KSR1: variants seen among roughly 807,000 people sequenced by gnomAD.
KSR1 encodes the protein kinase suppressor of ras.
In KSR1, 35 loss-of-function variants were observed where a neutral mutation model predicts 92.9. That is an observed-to-expected ratio of 0.38 (90% CI 0.29 to 0.50). The LOEUF (loss-of-function observed/expected upper bound fraction) is 0.50, where lower values mean the gene tolerates loss of function less well. Ranked by LOEUF, KSR1 falls within the 20% of genes least tolerant of loss-of-function variation. The pLI is 0.94. For missense variants in KSR1, 972 were observed against 1,158.5 expected (o/e 0.84, Z 2.34); for synonymous variants, 467 against 472.6 (o/e 0.99, Z 0.15).
At chr17:27,484,144 C>T (rs968389747) in intron 1 of KSR1, among the ~76,000 whole-genome samples, 1 of 152,156 alleles carries the variant, frequency 6.6e-6, no homozygotes, top group South Asian at 2.1e-4. Flanking sequence ...CTTGGTCAGT[C>T]CCAGTGTTGG....
chr17:27,552,214 G>A (rs2071420784), intron 2 of KSR1, among the ~76,000 whole-genome samples: 1 of 152,158 alleles, frequency 6.6e-6, no homozygotes, highest in African/African-American at 2.4e-5. Flanking sequence ...ACTTTCTGGA[G>A]TGACCTAACC....
chr17:27,561,359 T>A (rs1392820411), intron 2 of KSR1, among the ~76,000 whole-genome samples: 1 of 152,228 alleles, frequency 6.6e-6, no homozygotes, highest in Middle Eastern at 3.2e-3. Context: ...TTCTTTCCTT[T>A]ACATTCACTC....
chr17:27,471,124 C>T (rs992841655), intron 1 of KSR1, among the ~76,000 whole-genome samples: 13 of 152,198 alleles, frequency 8.5e-5, no homozygotes, highest in African/African-American at 2.9e-4. Context: ...CTACCTTGGC[C>T]TCCCAAAGTG....
chr17:27,515,939 CCA>C (rs1184384398), intron 1 of KSR1, among the ~76,000 whole-genome samples: 2 of 152,072 alleles, frequency 1.3e-5, no homozygotes, highest in African/African-American at 4.8e-5. Flanking sequence ...GAAATCTTCT[CCA>C]GTCAAGGCAC....
chr17:27,567,869 T>A (rs958680233), intron 2 of KSR1, among the ~76,000 whole-genome samples: 1 of 152,218 alleles, frequency 6.6e-6, no homozygotes, highest in Non-Finnish European at 1.5e-5. Context: ...GGTTTTCTCC[T>A]CTGTGAAATG....
intron 2 of KSR1, among the ~76,000 whole-genome samples, chr17:27,567,440 T>G (rs2072123735): frequency 6.6e-6 from 1 of 152,028 alleles, no homozygotes; most frequent in African/African-American, 2.4e-5. Context: ...TAAAAAAAGT[T>G]GTAGTGGGTA....
intron 1 of KSR1, among the ~76,000 whole-genome samples, chr17:27,490,980 G>A (rs1036067685): frequency 5.3e-5 from 8 of 152,060 alleles, no homozygotes; most frequent in African/African-American, 1.9e-4. Flanking sequence ...ACAGATTTTC[G>A]TGATATATTC....
chr17:27,514,633 C>G (rs909431463), intron 1 of KSR1, among the ~76,000 whole-genome samples: 5 of 150,290 alleles, frequency 3.3e-5, no homozygotes, highest in Admixed American at 3.3e-4. Context: ...GCACTCCAAC[C>G]TGGGCGACAG....
At position 27,544,284 on chromosome 17, in the gene KSR1, C is replaced by T. The variant is rs544255870; in HGVS notation, c.232-6284C>T. ...CTCCTAGGTATGGCTGGATAGGACC[C>T]GTGGTTTGTTTTTTGCTTGTTCCAA... is the stretch of plus-strand genomic sequence containing the variant. On this transcript the variant is annotated intron_variant, in intron 1 of 20. Transcript: ENST00000644974. Among the ~76,000 whole-genome samples, 239 of 152,270 alleles carry T rather than the reference C, an allele frequency of 1.6e-3. 2 individuals are homozygous for T. The highest frequency in any genetic ancestry group is 5.5e-3 in the African/African-American group (229 of 41,550).
chr17:27,550,793 G>A (rs904606010), intron 2 of KSR1, 85 bp downstream of exon 2: 31 of 691,976 alleles, frequency 4.5e-5, no homozygotes, highest in African/African-American at 2.6e-4. Context: ...TAGCTTCCCC[G>A]TGGCTAAGAC....
chr17:27,510,685 T>C (rs2069567561), intron 1 of KSR1, among the ~76,000 whole-genome samples: 2 of 152,248 alleles, frequency 1.3e-5, no homozygotes, highest in South Asian at 4.1e-4. Flanking sequence ...TCAGAGCAGA[T>C]GCTCTCTTGC....
At chr17:27,537,458 G>A (rs148775936) in intron 1 of KSR1, among the ~76,000 whole-genome samples, 2,373 of 152,270 alleles carry the variant, frequency 0.016, 59 homozygotes, top group African/African-American at 0.054. Context: ...TTGGGAGGCC[G>A]AGGCGGCAGA....
At chr17:27,588,556 G>T (rs763041009) in intron 6 of KSR1, 21 bp downstream of exon 6, 4 of 1,578,760 alleles carry the variant, frequency 2.5e-6, no homozygotes, top group Non-Finnish European at 3.4e-6. Context: ...CGGGCCTGGA[G>T]GGGGAGCAGG....
intron 1 of KSR1, among the ~76,000 whole-genome samples, chr17:27,520,441 C>G (rs2069974614): frequency 6.6e-6 from 1 of 152,194 alleles, no homozygotes; most frequent in Admixed American, 6.5e-5. Flanking sequence ...CTCTGGAAAG[C>G]TTAATCTTCT....
At chr17:27,510,419 TA>T (rs2069557774) in intron 1 of KSR1, among the ~76,000 whole-genome samples, 1 of 152,194 alleles carries the variant, frequency 6.6e-6, no homozygotes, top group South Asian at 2.1e-4. Flanking sequence ...TGAGTAGACG[TA>T]AAAAGGCTTG....
intron 1 of KSR1, among the ~76,000 whole-genome samples, chr17:27,520,341 A>G (rs1209767691): frequency 2.0e-5 from 3 of 152,204 alleles, no homozygotes; most frequent in African/African-American, 7.2e-5. Flanking sequence ...TGGTTTCTGT[A>G]TGTTATAGGC....
At chr17:27,604,781 C>T in intron 13 of KSR1, 53 bp downstream of exon 13, 1 of 1,585,574 alleles carries the variant, frequency 6.3e-7, no homozygotes, top group South Asian at 1.1e-5. Flanking sequence ...TTTTCCCTTC[C>T]CCATCTCAGA....
rs182428113 is a variant in KSR1, at chr17:27,533,841, C to A, written c.232-16727C>A. On this transcript the variant is annotated intron_variant, in intron 1 of 20. Coordinates refer to ENST00000644974, the MANE Select transcript of KSR1 (RefSeq NM_001394583.1). ...GGAGTTAGCTGTCATTGTCTAATTT[C>A]TTCAATAAGGGTGGTCAGTTGATTT... Among the ~76,000 whole-genome samples the A allele has an allele frequency of 1.7e-3, 253 of 152,344 alleles. 2 individuals carry two copies. The highest frequency in any genetic ancestry group is 5.6e-3 in the African/African-American group (232 of 41,576).
At chr17:27,611,779 CA>C (rs1420910904) in intron 18 of KSR1, 150 bp downstream of exon 18, 1 of 895,710 alleles carries the variant, frequency 1.1e-6, no homozygotes, top group Non-Finnish European at 1.7e-6. Flanking sequence ...AAATGATATG[CA>C]TTGCCCGGGA....
Sources: allele counts gnomAD v4.1 joint callset (sites outside exome capture counted in the v4.1 genomes callset), GRCh38; gene constraint gnomAD v4.1.1; transcripts MANE v1.5; gene names NCBI Gene and HGNC (gene_info 2026-07-23, HGNC 2026-07-21).